Variants in LRCH1 observed in about 807,000 individuals in gnomAD.
LRCH1 encodes the protein leucine-rich repeat and calponin homology domain-containing protein 1.
Under a neutral mutation model 94.9 loss-of-function variants are expected in LRCH1, and 23 were observed. The observed-to-expected ratio is 0.24, with a 90% confidence interval of 0.17 to 0.34. LRCH1 has a LOEUF of 0.34. Among genes scored for constraint, LRCH1 ranks in the 10% least tolerant of loss-of-function variants. The pLI is 1.00. For missense variants in LRCH1, 790 were observed against 945.9 expected (o/e 0.84, Z 2.16); for synonymous variants, 364 against 354.9 (o/e 1.03, Z -0.29).
chr13:46,741,693 C>T lies in LRCH1; in HGVS notation c.2137C>T (p.Arg713Ter), dbSNP rs201873344. The T allele has an allele frequency of 8.2e-5, 132 of 1,614,196 alleles. No homozygotes were observed. The East Asian group carries it at 1.5e-3, about 18-fold the overall frequency. Reference sequence around the variant, plus strand: ...CCTGCAGTTGGATTTTCGTCACATTCGAAAGACTGTTGACACTCTGCTGGC... The same window carrying T: ...CCTGCAGTTGGATTTTCGTCACATTTGAAAGACTGTTGACACTCTGCTGGC... Reference protein sequence around the residue: ...DILQLDFRHIRKTVDTLLALG... With the variant: ...DILQLDFRHI The change falls in exon 20 of 20, where the codon CGA (arginine) becomes TGA (stop). Residue 713 changes from arginine to a stop codon, truncating the protein, a stop_gained. Transcript: ENST00000389797. LOFTEE classifies it high-confidence loss of function.
chr13:46,583,739 C>T (rs898942404), intron 1 of LRCH1, among the ~76,000 whole-genome samples: 1 of 150,976 alleles, frequency 6.6e-6, no homozygotes, highest in African/African-American at 2.4e-5. Context: ...ATTATTTGCT[C>T]TTGTTTCAGC....
At position 46,733,953 on chromosome 13, in the gene LRCH1, T is replaced by C; in HGVS notation, c.2040T>C (p.Asn680=). 1 of 1,605,240 alleles carries C rather than the reference T, an allele frequency of 6.2e-7. No homozygotes were observed. The highest frequency in any genetic ancestry group is 8.5e-7 in the Non-Finnish European group (1 of 1,175,556). The part of the protein sequence containing the change: ...PKLSMAKCRR[N]VENFLEACRK... ...TTAGCATGGCCAAATGCAGAAGAAA[T>C]GTGGAAAACTTTTTGGAAGCATGCC... is the stretch of plus-strand genomic sequence containing the variant. The change falls in exon 19 of 20, where the codon AAT becomes AAC. Residue 680 remains asparagine (N), a synonymous_variant. Transcript: ENST00000389797.
At chr13:46,600,653 A>ACACACG (rs1216034559) in intron 1 of LRCH1, among the ~76,000 whole-genome samples, 1 of 151,744 alleles carries the variant, frequency 6.6e-6, no homozygotes, top group African/African-American at 2.4e-5. Flanking sequence ...ACACACACAC[A>ACACACG]CAGAACCTGA....
chr13:46,667,776 C>T (rs2051539057), intron 2 of LRCH1, among the ~76,000 whole-genome samples: 1 of 152,092 alleles, frequency 6.6e-6, no homozygotes, highest in Admixed American at 6.5e-5. Context: ...TGTTTCTTTC[C>T]TGATGATAAA....
chr13:46,668,890 C>A, intron 2 of LRCH1, 140 bp from the exon 3 acceptor site: 1 of 739,354 alleles, frequency 1.4e-6, no homozygotes, highest in Non-Finnish European at 2.1e-6. Flanking sequence ...AGTTGTCACA[C>A]AGAAAATATA....
At chr13:46,623,248 A>G (rs1359420391) in intron 1 of LRCH1, among the ~76,000 whole-genome samples, 3 of 152,132 alleles carry the variant, frequency 2.0e-5, no homozygotes, top group Non-Finnish European at 4.4e-5. Context: ...GATAATAATA[A>G]TGCACAATCT....
chr13:46,637,910 T>C lies in LRCH1; in HGVS notation c.308-12291T>C, dbSNP rs115601808. On this transcript the variant is annotated intron_variant, in intron 1 of 19. Transcript: ENST00000389797. ...TAGTAGGTACACAGCAAGTATTCCTTGAATGACTATAGAGAAGAAGCTTTC... is the reference window on the plus strand; with the variant it reads ...TAGTAGGTACACAGCAAGTATTCCTCGAATGACTATAGAGAAGAAGCTTTC... Among the ~76,000 whole-genome samples the C allele has an allele frequency of 7.6e-3, 1,162 of 152,354 alleles. 17 individuals carry two copies. The highest frequency in any genetic ancestry group is 0.025 in the African/African-American group (1,022 of 41,576).
chr13:46,566,877 G>C (rs572349003), intron 1 of LRCH1, among the ~76,000 whole-genome samples: 16 of 152,278 alleles, frequency 1.1e-4, no homozygotes, highest in African/African-American at 3.9e-4. Flanking sequence ...TATGCATGGG[G>C]AGTTCCAGCC....
intron 3 of LRCH1, among the ~76,000 whole-genome samples, chr13:46,670,121 C>T (rs2051578256): frequency 6.6e-6 from 1 of 152,224 alleles, no homozygotes; most frequent in Non-Finnish European, 1.5e-5. Flanking sequence ...TGATGGCACC[C>T]ATGTCACATA....
At position 46,607,789 on chromosome 13, in the gene LRCH1, ACTTCCTGGCG is replaced by A. The variant is rs558984124; in HGVS notation, c.308-42411_308-42402del. On this transcript the variant is annotated intron_variant, in intron 1 of 19. Transcript: ENST00000389797. ...TTATTATCTATTAACCAGGTGAGCAACTTCCTGGCGAGTGAGGGGTGCGGCAGGGAAGGGT... is the reference window on the plus strand; with the variant it reads ...TTATTATCTATTAACCAGGTGAGCAAAGTGAGGGGTGCGGCAGGGAAGGGT... Among the ~76,000 whole-genome samples, 472 of 152,236 alleles carry A rather than the reference ACTTCCTGGCG, an allele frequency of 3.1e-3. 3 individuals carry two copies. Among genetic ancestry groups the A allele is most frequent in the South Asian group, 0.02 (94 of 4,820 alleles).
At chr13:46,615,302 G>A (rs1466093935) in intron 1 of LRCH1, among the ~76,000 whole-genome samples, 2 of 152,184 alleles carry the variant, frequency 1.3e-5, no homozygotes, top group Non-Finnish European at 1.5e-5. Context: ...AAGACACACG[G>A]CGAAAGAGGG....
At position 46,573,845 on chromosome 13, in the gene LRCH1, A is replaced by AAT. The variant is rs1555269134; in HGVS notation, c.307+20163_307+20164dup. ...TAGCACAACAGGGTGACTATAGTCAAATATATATATATATATATATATTTT... is the reference window on the plus strand; with the variant it reads ...TAGCACAACAGGGTGACTATAGTCAAATATATATATATATATATATATATTTT... On this transcript the variant is annotated intron_variant, in intron 1 of 19. Coordinates refer to ENST00000389797, the MANE Select transcript of LRCH1 (RefSeq NM_001164211.2). Among the ~76,000 whole-genome samples, 599 of 77,964 alleles carry AAT rather than the reference A, an allele frequency of 7.7e-3. 35 individuals carry two copies. Among genetic ancestry groups the AAT allele is most frequent in the African/African-American group, 0.021 (485 of 22,880 alleles). 51.1% of individuals were successfully genotyped at this position (77,964 alleles called of 152,430 possible).
intron 1 of LRCH1, among the ~76,000 whole-genome samples, chr13:46,643,836 G>T (rs2051188840): frequency 6.6e-6 from 1 of 152,124 alleles, no homozygotes; most frequent in Non-Finnish European, 1.5e-5. Flanking sequence ...AGCAATTCGA[G>T]CCAAGCTTCA....
chr13:46,553,745 C>T, intron 1 of LRCH1, 42 bp downstream of exon 1: 3 of 1,594,528 alleles, frequency 1.9e-6, no homozygotes, highest in Admixed American at 1.7e-5. Context: ...TGGGTGCTGT[C>T]TGGGTGTCTG....
At chr13:46,648,083 A>G (rs1447342401) in intron 1 of LRCH1, among the ~76,000 whole-genome samples, 3 of 152,174 alleles carry the variant, frequency 2.0e-5, no homozygotes, top group Non-Finnish European at 4.4e-5. Context: ...ATACAGAATC[A>G]ATGGCAGCCC....
At chr13:46,657,850 A>G (rs2051397049) in intron 2 of LRCH1, among the ~76,000 whole-genome samples, 1 of 151,470 alleles carries the variant, frequency 6.6e-6, no homozygotes, top group African/African-American at 2.4e-5. Flanking sequence ...TTAATAGCTA[A>G]ATAGGATTTA....
At chr13:46,611,021 A>G (rs935078584) in intron 1 of LRCH1, among the ~76,000 whole-genome samples, 7 of 152,334 alleles carry the variant, frequency 4.6e-5, no homozygotes, top group African/African-American at 1.7e-4. Flanking sequence ...ATTTGCAACC[A>G]AAGTTAGAAA....
At chr13:46,727,486 G>A (rs944641463) in intron 17 of LRCH1, among the ~76,000 whole-genome samples, 8 of 152,290 alleles carry the variant, frequency 5.3e-5, no homozygotes, top group African/African-American at 1.4e-4. Context: ...GGGTGGGAAG[G>A]AAGGGGATGT....
At chr13:46,711,702 G>A in intron 13 of LRCH1, 89 bp from the exon 14 acceptor site, 1 of 912,008 alleles carries the variant, frequency 1.1e-6, no homozygotes, top group Non-Finnish European at 1.8e-6. Flanking sequence ...ATGGACCGGG[G>A]ACATGATGGC....
Sources: allele counts gnomAD v4.1 joint callset (sites outside exome capture counted in the v4.1 genomes callset), GRCh38; gene constraint gnomAD v4.1.1; transcripts MANE v1.5; gene names NCBI Gene and HGNC (gene_info 2026-07-23, HGNC 2026-07-21).